The following HERC5 variants were observed in gnomAD, a reference collection of about 807,000 sequenced individuals.
The protein encoded by HERC5 is HECT and RLD domain containing E3 ubiquitin protein ligase 5.
A neutral mutation model predicts 119.6 loss-of-function variants in HERC5; 99 were observed. That is an observed-to-expected ratio of 0.83 (90% CI 0.70 to 0.98). HERC5 has a LOEUF of 0.98. HERC5 is among the 50% of genes least tolerant of loss of function. HERC5 has a pLI of 0.00. For missense variants in HERC5, 1,267 were observed against 1,241.3 expected (o/e 1.02, Z -0.31); for synonymous variants, 478 against 445.9 (o/e 1.07, Z -0.91).
At chr4:88,505,571 A>G in intron 22 of HERC5, 102 bp from the exon 23 acceptor site, 5 of 678,392 alleles carry the variant, frequency 7.4e-6, no homozygotes, top group African/African-American at 1.8e-5. Context: ...GACACTGCAC[A>G]TGGGCTCCAG....
intron 20 of HERC5, among the ~76,000 whole-genome samples, chr4:88,502,609 G>A (rs1741977574): frequency 1.3e-5 from 2 of 152,124 alleles, no homozygotes; most frequent in African/African-American, 2.4e-5. Flanking sequence ...AAAGCTGTTA[G>A]TAAGCAAACA....
chr4:88,465,375 G>A (rs1161486487), intron 6 of HERC5, among the ~76,000 whole-genome samples: 5 of 152,044 alleles, frequency 3.3e-5, no homozygotes, highest in Non-Finnish European at 7.4e-5. Context: ...TTGAATGCTG[G>A]GTTCATTTGT....
Position 88,459,351 on chromosome 4 carries a change from C to T in HERC5, c.270C>T (p.Cys90=). ...AGSGGARTPK[C]IKLGKNMKIH... ...CTGGTTGGATTTGCTCTGTAGAATGCATTAAATTAGGAAAAAACATGAAGA... is the reference window on the plus strand; with the variant it reads ...CTGGTTGGATTTGCTCTGTAGAATGTATTAAATTAGGAAAAAACATGAAGA... The change falls in exon 2 of 23, where the codon TGC becomes TGT. Residue 90 remains cysteine (C), a synonymous_variant. Coordinates refer to ENST00000264350, the MANE Select transcript of HERC5 (RefSeq NM_016323.4). 6.3e-7 allele frequency: 1 copy of T among 1,583,010 alleles called. No homozygotes were observed. The highest frequency in any genetic ancestry group is 1.2e-5 in the South Asian group (1 of 84,514).
intron 4 of HERC5, among the ~76,000 whole-genome samples, chr4:88,462,792 C>G (rs1165638962): frequency 6.6e-6 from 1 of 152,218 alleles, no homozygotes; most frequent in Non-Finnish European, 1.5e-5. Context: ...TAAGAACTCA[C>G]ATATCCTGAT....
chr4:88,496,886 A>G (rs1741810049), intron 18 of HERC5, among the ~76,000 whole-genome samples: 1 of 152,208 alleles, frequency 6.6e-6, no homozygotes, highest in South Asian at 2.1e-4. Flanking sequence ...CATATTTTGA[A>G]GCCTCATCCC....
intron 13 of HERC5, among the ~76,000 whole-genome samples, chr4:88,483,141 A>AT (rs1248172020): frequency 6.6e-6 from 1 of 151,792 alleles, no homozygotes; most frequent in African/African-American, 2.4e-5. Flanking sequence ...TTTAAAGGAA[A>AT]TTTTTTTTCA....
intron 6 of HERC5, among the ~76,000 whole-genome samples, chr4:88,466,686 A>C (rs1578043164): frequency 6.6e-6 from 1 of 152,210 alleles, no homozygotes; most frequent in Admixed American, 6.5e-5. Context: ...AGTGTGGTAA[A>C]GGTCTTTGAG....
intron 9 of HERC5, among the ~76,000 whole-genome samples, chr4:88,470,298 G>A (rs770717214): frequency 2.6e-5 from 4 of 152,180 alleles, no homozygotes; most frequent in Non-Finnish European, 5.9e-5. Context: ...TGCATAGTTG[G>A]TGGGGTGGGA....
At chr4:88,500,374 A>G (rs1168506344) in intron 19 of HERC5, among the ~76,000 whole-genome samples, 1 of 152,230 alleles carries the variant, frequency 6.6e-6, no homozygotes, top group Non-Finnish European at 1.5e-5. Flanking sequence ...AGGCTTTTGA[A>G]GCAAGACTGC....
intron 19 of HERC5, among the ~76,000 whole-genome samples, chr4:88,500,530 T>G (rs1741918544): frequency 6.6e-6 from 1 of 152,234 alleles, no homozygotes; most frequent in Non-Finnish European, 1.5e-5. Flanking sequence ...GCTGAAGAGA[T>G]AGCCTCTCCC....
chr4:88,497,387 A>T (rs975740054), intron 18 of HERC5, among the ~76,000 whole-genome samples: 2 of 152,194 alleles, frequency 1.3e-5, no homozygotes, highest in Non-Finnish European at 2.9e-5. Context: ...CAATAAAGGC[A>T]ATTCTGATGA....
At chr4:88,501,128 T>G in intron 20 of HERC5, 143 bp downstream of exon 20, 1 of 584,526 alleles carries the variant, frequency 1.7e-6, no homozygotes, top group South Asian at 2.3e-5. Flanking sequence ...GTGTTGTATG[T>G]GTTTTGACAT....
At position 88,493,395 on chromosome 4, in the gene HERC5, C is replaced by G. The variant is rs1741705602; in HGVS notation, c.2277+240C>G. Among the ~76,000 whole-genome samples the G allele has an allele frequency of 2.0e-5, 3 of 152,178 alleles. No homozygotes were observed. In the South Asian group the frequency reaches 6.2e-4, roughly 32 times the overall value. On this transcript the variant is annotated intron_variant, in intron 17 of 22. Coordinates refer to ENST00000264350, the MANE Select transcript of HERC5 (RefSeq NM_016323.4). ...ATATTTTTTGATCATTTATATAATG[C>G]ATGGATTAAAAAGGAACCCTCTCTT...
chr4:88,469,059 T>C, intron 8 of HERC5, 98 bp from the exon 9 acceptor site: 2 of 687,782 alleles, frequency 2.9e-6, no homozygotes, highest in Non-Finnish European at 5.1e-6. Flanking sequence ...TTACACATAT[T>C]TAAAAGTCAG....
chr4:88,472,490 G>T lies in HERC5; in HGVS notation c.1380G>T (p.Trp460Cys). The part of the protein sequence containing the change: ...NIFKELTQKD[W>C]ITNMITTCLK... ...TCAAGGAGTTAACCCAAAAGGACTG[G>T]ATTACTAACATGGTATCTTCAGATT... Residue 460 changes from tryptophan to cysteine, a missense_variant, in exon 11 of 23, where the codon TGG becomes TGT. Physicochemically the swap from Trp to Cys is radical, Grantham distance 215 (BLOSUM62 -2). This residue lies in a region of HERC5 where 777 missense variants were observed against 758.0 expected (regional missense o/e 1.03). Transcript: ENST00000264350. 1 of 1,568,392 alleles carries T rather than the reference G, an allele frequency of 6.4e-7. No homozygotes were observed. Among genetic ancestry groups the T allele is most frequent in the Non-Finnish European group, 8.8e-7 (1 of 1,142,414 alleles).
intron 18 of HERC5, among the ~76,000 whole-genome samples, chr4:88,495,927 A>G (rs1442060281): frequency 6.6e-6 from 1 of 152,226 alleles, no homozygotes; most frequent in Admixed American, 6.5e-5. Flanking sequence ...TCAAACTTTT[A>G]GGTCTTAAGA....
chr4:88,500,110 G>A (rs993153430), intron 19 of HERC5, 118 bp downstream of exon 19: 8 of 662,592 alleles, frequency 1.2e-5, no homozygotes, highest in African/African-American at 1.8e-5. Context: ...AGTGAAAAAG[G>A]TATTGTTCTT....
intron 1 of HERC5, among the ~76,000 whole-genome samples, 184 bp from the exon 2 acceptor site, chr4:88,459,163 T>A (rs1216191187): frequency 6.6e-6 from 1 of 152,218 alleles, no homozygotes; most frequent in East Asian, 1.9e-4. Flanking sequence ...AAAATCTATG[T>A]CAAGACCGTT....
intron 21 of HERC5, 31 bp from the exon 22 acceptor site, chr4:88,504,464 C>T (rs779764808): frequency 2.9e-5 from 45 of 1,567,104 alleles, no homozygotes; most frequent in Non-Finnish European, 3.6e-5. Context: ...CTTCCTATTT[C>T]CTCAATAACT....
Sources: allele counts gnomAD v4.1 joint callset (sites outside exome capture counted in the v4.1 genomes callset), GRCh38; gene constraint gnomAD v4.1.1; regional missense constraint gnomAD v4.1.1; transcripts MANE v1.5; gene names NCBI Gene and HGNC (gene_info 2026-07-23, HGNC 2026-07-21).